Variants in C9orf85 observed in about 807,000 individuals in gnomAD.
The protein encoded by C9orf85 is chromosome 9 open reading frame 85.
C9orf85 carries 16 observed loss-of-function variants against 14.9 expected under a neutral mutation model. The observed-to-expected ratio is 1.08, with a 90% CI of 0.73 to 1.63. The LOEUF (loss-of-function observed/expected upper bound fraction) is 1.63. Among genes scored for constraint, C9orf85 ranks in the 40% most tolerant of loss-of-function variants. The probability of loss-of-function intolerance (pLI) is 0.00; values close to 1 mark genes in which losing one functional copy is unlikely to be tolerated. For synonymous variants in C9orf85, 45 were observed against 56.8 expected, an observed-to-expected ratio of 0.79 and a Z score of 0.93; for missense variants, 172 against 186.1, an observed-to-expected ratio of 0.92 and a Z score of 0.44.
chr9:71,917,420 T>A (rs1352568838), intron 1 of C9orf85, among the ~76,000 whole-genome samples: 2 of 152,354 alleles, frequency 1.3e-5, no homozygotes, highest in Non-Finnish European at 2.9e-5. Context: ...TAGTCCATTT[T>A]CTTGGCTCCT....
chr9:71,932,050 C>A (rs1184932680), intron 1 of C9orf85, among the ~76,000 whole-genome samples: 2 of 152,110 alleles, frequency 1.3e-5, no homozygotes, highest in Admixed American at 1.3e-4. Flanking sequence ...CAGGAATGAT[C>A]ATTCTTAACA....
At chr9:71,914,227 C>T (rs1439925007) in intron 1 of C9orf85, among the ~76,000 whole-genome samples, 2 of 152,168 alleles carry the variant, frequency 1.3e-5, no homozygotes, top group African/African-American at 4.8e-5. Context: ...TCTGTAACTC[C>T]CCATAAAGCA....
chr9:71,912,859 G>T (rs1207362371), intron 1 of C9orf85, among the ~76,000 whole-genome samples: 1 of 152,080 alleles, frequency 6.6e-6, no homozygotes, highest in African/African-American at 2.4e-5. Flanking sequence ...ACTCCTGGGC[G>T]ACAGAGCAAG....
At chr9:71,972,559 G>A in intron 3 of C9orf85, 133 bp from the exon 4 acceptor site, 1 of 584,660 alleles carries the variant, frequency 1.7e-6, no homozygotes, top group Non-Finnish European at 2.7e-6. Context: ...ACTCCCAGGT[G>A]GATCTTTTTC....
intron 3 of C9orf85, among the ~76,000 whole-genome samples, chr9:71,981,949 T>A (rs1823104899): frequency 6.6e-6 from 1 of 152,198 alleles, no homozygotes; most frequent in African/African-American, 2.4e-5. Flanking sequence ...GTGTATAATT[T>A]AACGATTTGG....
At chr9:71,936,775 T>C (rs1828201805) in intron 1 of C9orf85, among the ~76,000 whole-genome samples, 1 of 149,238 alleles carries the variant, frequency 6.7e-6, no homozygotes, top group African/African-American at 2.5e-5. Flanking sequence ...TCAAGCTTTT[T>C]TTTTTTTTTT....
chr9:71,967,820 T>A (rs771774571), intron 2 of C9orf85, among the ~76,000 whole-genome samples: 3 of 151,724 alleles, frequency 2.0e-5, no homozygotes, highest in Admixed American at 6.6e-5. Context: ...TTTCTGATCT[T>A]ACAGGGAAGG....
chr9:71,985,416 T>G (rs950712157), downstream of C9orf85: 5 of 152,192 alleles, frequency 3.3e-5, no homozygotes, highest in Non-Finnish European at 5.9e-5. Flanking sequence ...TCATGTGGTT[T>G]CTGGACTAGC....
intron 1 of C9orf85, among the ~76,000 whole-genome samples, chr9:71,932,534 C>T (rs1238931649): frequency 6.6e-6 from 1 of 152,092 alleles, no homozygotes; most frequent in African/African-American, 2.4e-5. Context: ...ATGACTTTGC[C>T]TCAGCTCTGT....
intron 1 of C9orf85, among the ~76,000 whole-genome samples, chr9:71,927,736 G>A (rs1827965629): frequency 1.3e-5 from 2 of 152,160 alleles, no homozygotes; most frequent in Non-Finnish European, 2.9e-5. Flanking sequence ...ATTAAAAATA[G>A]CTGATAAGTT....
At chr9:71,944,733 A>G (rs61651537) in intron 1 of C9orf85, among the ~76,000 whole-genome samples, 1,939 of 152,268 alleles carry the variant, frequency 0.013, 39 homozygotes, top group African/African-American at 0.044. Context: ...TAAAACAGGT[A>G]TATACTTTTC....
chr9:71,981,801 G>A (rs1048399082), intron 3 of C9orf85, among the ~76,000 whole-genome samples: 7 of 152,138 alleles, frequency 4.6e-5, no homozygotes, highest in Non-Finnish European at 1.0e-4. Context: ...GGGAATTACT[G>A]AGAAAAATAC....
intron 2 of C9orf85, among the ~76,000 whole-genome samples, chr9:71,960,890 T>G (rs946182172): frequency 6.6e-6 from 1 of 151,236 alleles, no homozygotes; most frequent in East Asian, 2.0e-4. Context: ...CAATGCACAT[T>G]GGCCGTTTTT....
chr9:71,943,867 T>C (rs1822011380), intron 1 of C9orf85, among the ~76,000 whole-genome samples: 1 of 151,434 alleles, frequency 6.6e-6, no homozygotes, highest in Non-Finnish European at 1.5e-5. Flanking sequence ...CTGTATGGCA[T>C]TACTGTGTTA....
intron 1 of C9orf85, chr9:71,918,329 T>TA: frequency 1.5e-6 from 1 of 655,226 alleles, no homozygotes; most frequent in African/African-American, 1.9e-5. Flanking sequence ...TCTTCAGAAA[T>TA]AAAAACAAGT....
chr9:71,981,779 C>G (rs948718446), intron 3 of C9orf85, among the ~76,000 whole-genome samples: 13 of 152,052 alleles, frequency 8.5e-5, no homozygotes, highest in Admixed American at 8.5e-4. Context: ...AATTCTTGGC[C>G]TGGAAATGGT....
chr9:71,973,714 C>T (rs1055878100), downstream of C9orf85, among the ~76,000 whole-genome samples: 11 of 151,954 alleles, frequency 7.2e-5, no homozygotes, highest in African/African-American at 2.7e-4. Flanking sequence ...CATCAGGACA[C>T]CCCAGTGAGG....
downstream of C9orf85, among the ~76,000 whole-genome samples, chr9:71,975,740 G>C (rs1175586834): frequency 6.6e-6 from 1 of 152,284 alleles, no homozygotes; most frequent in Middle Eastern, 3.4e-3. Flanking sequence ...GCTGAGGCAG[G>C]AGAATCACTT....
chr9:71,948,827 C>T lies in C9orf85; in HGVS notation c.209+1715C>T, dbSNP rs1200862644. Among the ~76,000 whole-genome samples, 7 of 71,202 alleles carry T rather than the reference C, an allele frequency of 9.8e-5. No individual in the cohort carries two copies. In the Admixed American group the frequency reaches 9.8e-4, roughly 10 times the overall value. The allele number at this position is 71,202 out of a possible 152,430, so 46.7% of individuals were successfully genotyped here. A position where few individuals can be genotyped will look rare whatever the true frequency, so the allele number is the denominator to read the frequency against. On this transcript the variant is annotated intron_variant, in intron 2 of 3. Coordinates refer to ENST00000334731, the MANE Select transcript of C9orf85 (RefSeq NM_182505.5). ...GCGTGAGCCACGCCCCCCCCCCCCC[C>T]TTTAAATAGTTTTACCAGCTTCTTG...
Sources: gnomAD v4.1 joint callset for allele counts (sites outside exome capture counted in the v4.1 genomes callset) on GRCh38, gnomAD v4.1.1 for gene constraint, MANE v1.5 for transcripts, NCBI Gene and HGNC (gene_info 2026-07-23, HGNC 2026-07-21) for gene names.